The following CPLX1 variants were observed in gnomAD, a reference collection of about 807,000 sequenced individuals.
CPLX1 encodes the protein complexin-1.
A neutral mutation model predicts 15.6 loss-of-function variants in CPLX1; 6 were observed. The ratio of observed to expected loss-of-function variants is 0.39; its 90% CI spans 0.21 to 0.76. CPLX1 has a LOEUF of 0.76. Among genes scored for constraint, CPLX1 ranks in the 30% least tolerant of loss-of-function variants. The pLI is 0.43. For missense variants in CPLX1, 242 were observed against 188.6 expected, an observed-to-expected ratio of 1.28 and a Z score of -1.66; for synonymous variants, 91 against 75.2, an observed-to-expected ratio of 1.21 and a Z score of -1.08.
At chr4:799,242 G>A (rs896864084) in intron 2 of CPLX1, among the ~76,000 whole-genome samples, 2 of 152,230 alleles carry the variant, frequency 1.3e-5, no homozygotes, top group African/African-American at 4.8e-5. Context: ...GAGGCCAAGA[G>A]GAATCTGGAC....
intron 3 of CPLX1, 42 bp from the exon 4 acceptor site, chr4:786,740 C>A: frequency 6.5e-7 from 1 of 1,540,880 alleles, no homozygotes; most frequent in Non-Finnish European, 8.7e-7. Context: ...CCCGGCGGCT[C>A]CCGGGCGGGC....
intron 2 of CPLX1, among the ~76,000 whole-genome samples, chr4:822,294 T>C (rs1489261853): frequency 2.0e-5 from 3 of 151,474 alleles, no homozygotes; most frequent in Non-Finnish European, 4.4e-5. Context: ...TTTGTCTGTC[T>C]GTCTCTCTGT....
In CPLX1 at chr4:785,488, G is replaced by C. The variant is rs1354949004; in HGVS notation, c.*1013C>G. On this transcript the variant is annotated 3_prime_UTR_variant, in exon 4 of 4. Transcript: ENST00000304062. ...CAAGATAAAACTCATTAAATGCAAA[G>C]ACCTCATTTACCTGAGATTCAACAA... 1.3e-5 allele frequency: 2 copies of C among 152,700 alleles called. No individual in the cohort carries two copies. Among genetic ancestry groups the C allele is most frequent in the East Asian group, 1.9e-4 (1 of 5,188 alleles). 9.5% of individuals were successfully genotyped at this position (152,700 alleles called of 1,614,324 possible).
chr4:821,742 C>T (rs1746866688), intron 2 of CPLX1, among the ~76,000 whole-genome samples: 1 of 152,188 alleles, frequency 6.6e-6, no homozygotes. Flanking sequence ...CTCCCGCTCC[C>T]CCACGAGCGA....
chr4:820,091 C>G (rs1746832760), intron 2 of CPLX1, among the ~76,000 whole-genome samples: 1 of 152,118 alleles, frequency 6.6e-6, no homozygotes, highest in Non-Finnish European at 1.5e-5. Context: ...CAGCTCAGCC[C>G]AGCCTGCAGC....
At chr4:815,200 C>T (rs1457649640) in intron 2 of CPLX1, among the ~76,000 whole-genome samples, 7 of 152,064 alleles carry the variant, frequency 4.6e-5, no homozygotes, top group Admixed American at 2.0e-4. Context: ...CATCTGAGGT[C>T]AGGAGTTCAA....
At position 786,470 on chromosome 4, in the gene CPLX1, G is replaced by GGGCTCCGCGGGGCCGC. The variant is rs1560234010; in HGVS notation, c.*15_*30dup. 41 of 1,521,932 alleles carry GGGCTCCGCGGGGCCGC rather than the reference G, an allele frequency of 2.7e-5. No individual in the cohort carries two copies. Among genetic ancestry groups the GGGCTCCGCGGGGCCGC allele is most frequent in the Non-Finnish European group, 3.5e-5 (40 of 1,130,618 alleles). 94.3% of individuals were successfully genotyped at this position (1,521,932 alleles called of 1,614,324 possible). The stretch of plus-strand genomic sequence containing the variant: ...GGAGGATCTGTAGGGGGAGGGGCGG[G>GGGCTCCGCGGGGCCGC]GGCTCCGCGGGGCCGCTGTCCCGCG... On this transcript the variant is annotated 3_prime_UTR_variant, in exon 4 of 4. Coordinates refer to ENST00000304062, the MANE Select transcript of CPLX1 (RefSeq NM_006651.4).
At chr4:797,294 C>T (rs556109756) in intron 2 of CPLX1, among the ~76,000 whole-genome samples, 1 of 152,156 alleles carries the variant, frequency 6.6e-6, no homozygotes, top group South Asian at 2.1e-4. Flanking sequence ...GCAGTCAGCT[C>T]GGAGCTGCAG....
chr4:802,486 A>G (rs1161052159), intron 2 of CPLX1, among the ~76,000 whole-genome samples: 3 of 152,228 alleles, frequency 2.0e-5, no homozygotes, highest in African/African-American at 4.8e-5. Context: ...CAGAAGCCCT[A>G]ACAAATTAAA....
chr4:786,590 C>G lies in CPLX1; in HGVS notation c.316G>C (p.Gly106Arg). The G allele has an allele frequency of 6.2e-7, 1 of 1,611,208 alleles. No individual in the cohort carries two copies. The highest frequency in any genetic ancestry group is 8.5e-7 in the Non-Finnish European group (1 of 1,178,880). The change falls in exon 4 of 4, where the codon GGG becomes CGG. Residue 106 changes from glycine to arginine, a missense_variant. Physicochemically the swap from Gly to Arg is moderately radical, Grantham distance 125 (BLOSUM62 -2). Coordinates refer to ENST00000304062, the MANE Select transcript of CPLX1 (RefSeq NM_006651.4). ...TCGTCCTCCTCCTCCACCTCGTCCC[C>G]GCAGCCCGGCGGGATGGCCTTCTTG... is the stretch of plus-strand genomic sequence containing the variant. ...RPKKAIPPGC[G>R]DEVEEEDESI...
chr4:787,842 G>C (rs1447004829), intron 3 of CPLX1: 2 of 985,314 alleles, frequency 2.0e-6, no homozygotes, highest in African/African-American at 3.5e-5. Context: ...CGGAACTACG[G>C]AACAGCCTCC....
rs779283283 is a variant in CPLX1, at chr4:786,640, T to C, written c.266A>G (p.Asn89Ser). 2.5e-6 allele frequency: 4 copies of C among 1,611,920 alleles called. No homozygotes were observed. The highest frequency in any genetic ancestry group is 2.2e-5 in the East Asian group (1 of 44,776). Residue 89 changes from asparagine (N) to serine (S), a missense_variant, in exon 4 of 4, where the codon AAC becomes AGC. Physicochemically the swap from Asn to Ser is conservative, Grantham distance 46. Coordinates refer to ENST00000304062, the MANE Select transcript of CPLX1 (RefSeq NM_006651.4). ...EAEAQAAMEA[N>S]SEGSLTRPKK... ...GGGCCGCGTCAAGCTCCCCTCGGAGTTGGCCTCCATGGCGGCCTGGGCCTC... is the reference window on the plus strand; with the variant it reads ...GGGCCGCGTCAAGCTCCCCTCGGAGCTGGCCTCCATGGCGGCCTGGGCCTC...
chr4:818,122 G>A (rs1278416349), intron 2 of CPLX1, among the ~76,000 whole-genome samples: 1 of 152,226 alleles, frequency 6.6e-6, no homozygotes. Context: ...CCCCTCCTGA[G>A]AGCTGGGTGT....
chr4:801,134 G>A lies in CPLX1; in HGVS notation c.32-8526C>T, dbSNP rs1220437436. 6.0e-5 allele frequency among the ~76,000 whole-genome samples: 9 copies of A among 151,136 alleles called. No homozygotes were observed. In the East Asian group the frequency reaches 1.8e-3, roughly 29 times the overall value. ...TTGAGAATAGCCTGGCTAACATGGTGAAACCCCATCTCTACTAAAAAAAAA... is the reference window on the plus strand; with the variant it reads ...TTGAGAATAGCCTGGCTAACATGGTAAAACCCCATCTCTACTAAAAAAAAA... On this transcript the variant is annotated intron_variant, in intron 2 of 3. Transcript: ENST00000304062.
At chr4:824,427 G>A in intron 2 of CPLX1, 65 bp downstream of exon 2, 1 of 1,431,594 alleles carries the variant, frequency 7.0e-7, no homozygotes, top group Non-Finnish European at 9.8e-7. Context: ...CAGATGAGGA[G>A]CAGCTGCTGT....
chr4:813,178 T>C (rs1435347132), intron 2 of CPLX1, among the ~76,000 whole-genome samples: 1 of 151,054 alleles, frequency 6.6e-6, no homozygotes, highest in African/African-American at 2.4e-5. Flanking sequence ...GGCAGGAGAA[T>C]TGCTTGAACC....
chr4:803,901 C>T (rs138638755), intron 2 of CPLX1, among the ~76,000 whole-genome samples: 105 of 151,780 alleles, frequency 6.9e-4, no homozygotes, highest in Non-Finnish European at 1.3e-3. Flanking sequence ...AAACTCCTGA[C>T]CTCAAATGAT....
At chr4:809,094 G>A (rs748111876) in intron 2 of CPLX1, among the ~76,000 whole-genome samples, 1 of 152,250 alleles carries the variant, frequency 6.6e-6, no homozygotes, top group African/African-American at 2.4e-5. Context: ...GCGTTCCATG[G>A]GAAACACAGT....
At chr4:804,829 G>C (rs1560242562) in intron 2 of CPLX1, 1 of 985,032 alleles carries the variant, frequency 1.0e-6, no homozygotes, top group Non-Finnish European at 1.2e-6. Context: ...AGGCCGGCAA[G>C]CGTGGGGAGC....
Sources: allele counts gnomAD v4.1 joint callset (sites outside exome capture counted in the v4.1 genomes callset), GRCh38; gene constraint gnomAD v4.1.1; transcripts MANE v1.5; gene names NCBI Gene and HGNC (gene_info 2026-07-23, HGNC 2026-07-21).